Variants in PHF8 observed in about 807,000 individuals in gnomAD.
PHF8 encodes the protein PHD finger protein 8.
Under a neutral mutation model 74.4 loss-of-function variants are expected in PHF8, and 9 were observed. The ratio of observed to expected loss-of-function variants is 0.12; its 90% confidence interval spans 0.07 to 0.21. PHF8 has a LOEUF of 0.21. PHF8 is among the 10% of genes least tolerant of loss of function. The pLI, the probability that PHF8 is intolerant of heterozygous loss-of-function variation, is 1.00. For missense variants in PHF8, 478 were observed against 816.6 expected, an observed-to-expected ratio of 0.59 and a Z score of 5.05; for synonymous variants, 311 against 316.6, an observed-to-expected ratio of 0.98 and a Z score of 0.19.
At chrX:53,959,068 T>G (rs2065061332) in intron 19 of PHF8, among the ~76,000 whole-genome samples, 1 of 111,729 alleles carries the variant, frequency 9.0e-6, no homozygotes, top group Admixed American at 9.6e-5. Flanking sequence ...TTGTAGCCAT[T>G]AAAAATATTA....
intron 2 of PHF8, among the ~76,000 whole-genome samples, chrX:54,032,259 G>GC (rs1257000541): frequency 9.0e-6 from 1 of 111,207 alleles, no homozygotes; most frequent in African/African-American, 3.3e-5. Context: ...TCTGGGGTGG[G>GC]ATCCAAGAAT....
intron 20 of PHF8, chrX:53,942,654 C>T (rs2064769408): frequency 1.4e-6 from 1 of 714,212 alleles, no homozygotes. Context: ...CCAAAACATA[C>T]ATTTATGATT....
intron 20 of PHF8, among the ~76,000 whole-genome samples, chrX:53,941,066 G>A (rs1236422652): frequency 1.8e-5 from 2 of 112,045 alleles, no homozygotes; most frequent in Non-Finnish European, 3.8e-5. Flanking sequence ...TGGAAAATCT[G>A]AGCGTAGAAA....
chrX:54,017,404 C>T (rs782231125), intron 5 of PHF8, among the ~76,000 whole-genome samples: 9 of 112,035 alleles, frequency 8.0e-5, no homozygotes, highest in South Asian at 3.7e-4. Context: ...GAGTTAATTG[C>T]GCCACTGTAC....
intron 5 of PHF8, among the ~76,000 whole-genome samples, chrX:54,016,983 G>C (rs1221095559): frequency 8.0e-5 from 9 of 112,355 alleles, no homozygotes; most frequent in African/African-American, 2.6e-4. Context: ...CCATCTGCCT[G>C]GGCCTTGCTT....
chrX:54,023,361 T>C (rs2066209651), intron 2 of PHF8, among the ~76,000 whole-genome samples: 1 of 111,221 alleles, frequency 9.0e-6, no homozygotes, highest in Non-Finnish European at 1.9e-5. Flanking sequence ...TAGTTCTAAA[T>C]GAAAAATTAC....
intron 18 of PHF8, among the ~76,000 whole-genome samples, chrX:53,967,221 T>A (rs868966509): frequency 1.3e-5 from 1 of 76,592 alleles, no homozygotes; most frequent in African/African-American, 6.7e-5. Context: ...TACTGGGAAG[T>A]GAGGAGCCCC....
At chrX:53,980,847 TA>T (rs1383733751) in intron 18 of PHF8, among the ~76,000 whole-genome samples, 2 of 112,557 alleles carry the variant, frequency 1.8e-5, no homozygotes, top group Non-Finnish European at 3.8e-5. Flanking sequence ...AAGACCTGAA[TA>T]AATAGAGACA....
intron 7 of PHF8, among the ~76,000 whole-genome samples, chrX:54,012,410 T>G (rs1268783739): frequency 8.9e-6 from 1 of 111,990 alleles, no homozygotes; most frequent in Non-Finnish European, 1.9e-5. Context: ...ACTTCCTAAA[T>G]GATAAACCAA....
intron 19 of PHF8, among the ~76,000 whole-genome samples, chrX:53,956,686 G>GTA (rs1557088807): frequency 9.2e-6 from 1 of 109,019 alleles, no homozygotes; most frequent in African/African-American, 3.4e-5. Context: ...GTGTGTGTGT[G>GTA]TGTGTGTGTG....
At chrX:53,941,608 A>C (rs1243875451) in intron 20 of PHF8, among the ~76,000 whole-genome samples, 2 of 112,073 alleles carry the variant, frequency 1.8e-5, no homozygotes, top group Non-Finnish European at 3.8e-5. Flanking sequence ...CAGCCACACA[A>C]ACCAACTCAG....
At position 53,939,000 on chromosome X, in the gene PHF8, A is replaced by G; in HGVS notation, c.*158T>C. On this transcript the variant is annotated 3_prime_UTR_variant, in exon 22 of 22. Transcript: ENST00000338154. ...GAAAGTGGGGAAGGGAACTAGAAGG[A>G]GTCGGTGGAGGGGTCCGTGCCTTTG... 9.6e-7 allele frequency: 1 copy of G among 1,039,072 alleles called. No homozygotes were observed. The highest frequency in any genetic ancestry group is 1.2e-6 in the Non-Finnish European group (1 of 812,102). 85.6% of individuals were successfully genotyped at this position (1,039,072 alleles called of 1,213,427 possible).
chrX:53,945,485 C>G (rs1557084915), intron 19 of PHF8, among the ~76,000 whole-genome samples: 1 of 109,954 alleles, frequency 9.1e-6, no homozygotes, highest in African/African-American at 3.3e-5. Flanking sequence ...ACACCAGCCT[C>G]GGCGACACAG....
intron 1 of PHF8, 64 bp from the exon 2 acceptor site, chrX:54,042,884 C>T: frequency 1.2e-6 from 1 of 821,227 alleles, no homozygotes; most frequent in Non-Finnish European, 1.6e-6. Flanking sequence ...CTTGCACCAA[C>T]CCTCAGTTCT....
intron 2 of PHF8, 88 bp from the exon 3 acceptor site, chrX:54,022,931 G>A (rs782794740): frequency 6.3e-5 from 34 of 540,348 alleles, no homozygotes; most frequent in Non-Finnish European, 9.4e-5. Context: ...CAGCTATTAA[G>A]TACATGTGGC....
intron 18 of PHF8, among the ~76,000 whole-genome samples, chrX:53,970,951 A>G (rs2065282708): frequency 9.0e-6 from 1 of 111,552 alleles, no homozygotes; most frequent in African/African-American, 3.3e-5. Context: ...ACAGAAAATT[A>G]ACAAAGATAT....
intron 2 of PHF8, among the ~76,000 whole-genome samples, chrX:54,032,688 T>G (rs1012073235): frequency 1.8e-5 from 2 of 111,071 alleles, no homozygotes; most frequent in Admixed American, 9.7e-5. Context: ...CTGTCTCATG[T>G]TCACTGCCGT....
At chrX:54,042,972 C>T (rs1946339782) in intron 1 of PHF8, 152 bp from the exon 2 acceptor site, 5 of 536,709 alleles carry the variant, frequency 9.3e-6, no homozygotes, top group African/African-American at 2.4e-5. Flanking sequence ...CCACCCGGCC[C>T]TTAGAATTTC....
At chrX:54,035,775 A>C (rs913018532) in intron 2 of PHF8, among the ~76,000 whole-genome samples, 12 of 110,984 alleles carry the variant, frequency 1.1e-4, no homozygotes, top group Non-Finnish European at 2.3e-4. Flanking sequence ...ACTGCACTCC[A>C]GCCCAGGTGA....
Sources: allele counts gnomAD v4.1 joint callset (sites outside exome capture counted in the v4.1 genomes callset), GRCh38; gene constraint gnomAD v4.1.1; transcripts MANE v1.5; gene names NCBI Gene and HGNC (gene_info 2026-07-23, HGNC 2026-07-21).